Variants in SNED1 observed in about 807,000 individuals in gnomAD.
SNED1 encodes sushi, nidogen and EGF-like domain-containing protein 1.
SNED1 carries 81 observed loss-of-function variants against 166.7 expected under a neutral mutation model. That is an observed-to-expected ratio of 0.49 (90% CI 0.41 to 0.58). The LOEUF (loss-of-function observed/expected upper bound fraction) is 0.58. Ranked by LOEUF, SNED1 falls within the 20% of genes least tolerant of loss-of-function variation. The pLI is 0.00. For synonymous variants in SNED1, 762 were observed against 822.0 expected (o/e 0.93, Z 1.25); for missense variants, 1,604 against 2,000.2 (o/e 0.80, Z 3.78).
At chr2:241,045,696 T>G (rs1053362989) in intron 8 of SNED1, among the ~76,000 whole-genome samples, 2 of 149,214 alleles carry the variant, frequency 1.3e-5, no homozygotes, top group African/African-American at 2.5e-5. Flanking sequence ...TATAAGATTT[T>G]TAGAAGAAAA....
chr2:241,036,009 A>AGTGGGGGGTGGAGGTGCGTCACGGGGTGG (rs1559246672), intron 4 of SNED1, among the ~76,000 whole-genome samples: 1 of 11,010 alleles, frequency 9.1e-5, no homozygotes, highest in Non-Finnish European at 1.4e-4. Flanking sequence ...CGGGGAGGGG[A>AGTGGGGGGTGGAGGTGCGTCACGGGGTGG]GTGGGGGGTG....
chr2:241,028,755 C>G lies in SNED1; in HGVS notation c.214-1529C>G, dbSNP rs539313408. On this transcript the variant is annotated intron_variant, in intron 1 of 31. Coordinates refer to ENST00000310397, the MANE Select transcript of SNED1 (RefSeq NM_001080437.3). ...TACTTCCTTTCCAAGATTGTTTTGACTACTCTGATAAAATTCTAAAGTTTG... is the reference window on the plus strand; with the variant it reads ...TACTTCCTTTCCAAGATTGTTTTGAGTACTCTGATAAAATTCTAAAGTTTG... 1.9e-4 allele frequency among the ~76,000 whole-genome samples: 29 copies of G among 152,276 alleles called. 1 individual carries two copies. In the South Asian group the frequency reaches 4.8e-3, roughly 25 times the overall value.
intron 21 of SNED1, among the ~76,000 whole-genome samples, chr2:241,065,949 G>T (rs1397715391): frequency 3.9e-5 from 6 of 151,924 alleles, no homozygotes; most frequent in Non-Finnish European, 8.8e-5. Flanking sequence ...CCGCGGGGGT[G>T]GGCTTGGGGG....
chr2:241,027,819 C>T (rs985478040), intron 1 of SNED1, among the ~76,000 whole-genome samples: 25 of 151,438 alleles, frequency 1.7e-4, no homozygotes, highest in African/African-American at 5.8e-4. Context: ...CTGCAAGCTC[C>T]GCCTCCCGGG....
chr2:241,034,428 TC>T (rs1413038409), intron 3 of SNED1, 139 bp from the exon 4 acceptor site: 7 of 780,514 alleles, frequency 9.0e-6, no homozygotes, highest in Non-Finnish European at 1.4e-5. Flanking sequence ...TCTCCTTGGC[TC>T]CCAGGAACGG....
chr2:240,999,016 T>C lies in SNED1; in HGVS notation c.179T>C (p.Phe60Ser). The C allele has an allele frequency of 7.5e-7, 1 of 1,324,944 alleles. No individual in the cohort carries two copies. The highest frequency in any genetic ancestry group is 9.7e-7 in the Non-Finnish European group (1 of 1,034,226). The allele number at this position is 1,324,944 out of a possible 1,614,324, so 82.1% of individuals were successfully genotyped here. ...GGGCTGCGGCCGCTCTCGGTGCCCT[T>C]CCCGTTCTTCGGTGCCGAGCACTCC... ...GSGLRPLSVP[F>S]PFFGAEHSGL... Residue 60 changes from phenylalanine (F) to serine (S), a missense_variant, in exon 1 of 32, where the codon TTC (phenylalanine) becomes TCC (serine). Coordinates refer to ENST00000310397, the MANE Select transcript of SNED1 (RefSeq NM_001080437.3). The surrounding 1 kb of genome is among the most constrained non-coding windows in gnomAD (Gnocchi z 5.8).
At chr2:241,031,253 C>T (rs959025264) in intron 2 of SNED1, among the ~76,000 whole-genome samples, 6 of 152,196 alleles carry the variant, frequency 3.9e-5, no homozygotes, top group African/African-American at 1.4e-4. Context: ...CAACCTCCAC[C>T]TCCCAGGTTC....
intron 1 of SNED1, among the ~76,000 whole-genome samples, chr2:241,017,654 T>C (rs545333983): frequency 1.8e-4 from 27 of 152,344 alleles, no homozygotes; most frequent in African/African-American, 6.5e-4. Flanking sequence ...TTCATACCAG[T>C]ATACGCCATG....
chr2:241,071,830 AGCG>A lies in SNED1; in HGVS notation c.3770_3772del (p.Ser1257_Ala1258delinsThr). 6.2e-7 allele frequency: 1 copy of A among 1,604,234 alleles called. No individual in the cohort carries two copies. The highest frequency in any genetic ancestry group is 8.5e-7 in the Non-Finnish European group (1 of 1,175,896). ...GCTTGTGGACGGCAGAGGAAGAGTGAGCGCCAGGTTCGGTGGCTCACCCAGCAA... is the reference window on the plus strand; with the variant it reads ...GCTTGTGGACGGCAGAGGAAGAGTGACCAGGTTCGGTGGCTCACCCAGCAA... On this transcript the variant is annotated inframe_deletion, in exon 26 of 32. Coordinates refer to ENST00000310397, the MANE Select transcript of SNED1 (RefSeq NM_001080437.3).
chr2:241,006,648 T>C (rs1279819644), intron 1 of SNED1, among the ~76,000 whole-genome samples: 1 of 152,264 alleles, frequency 6.6e-6, no homozygotes, highest in Non-Finnish European at 1.5e-5. Flanking sequence ...GTGTGTATTA[T>C]GACAGATGGG....
chr2:241,091,396 A>G lies in SNED1; in HGVS notation c.*2-242A>G, dbSNP rs1379246110. ...CACATGTTCCTAAAGATGGGGATGT[A>G]GTCGGTGGAGGCTGCCCCTCCCCGT... On this transcript the variant is annotated intron_variant, in intron 31 of 31. Transcript: ENST00000310397. The surrounding 1 kb of genome is among the most constrained non-coding windows in gnomAD (Gnocchi z 4.1). Among the ~76,000 whole-genome samples, 2 of 124,130 alleles carry G rather than the reference A, an allele frequency of 1.6e-5. No individual in the cohort carries two copies. Among genetic ancestry groups the G allele is most frequent in the Non-Finnish European group, 3.1e-5 (2 of 64,108 alleles). 81.4% of individuals were successfully genotyped at this position (124,130 alleles called of 152,430 possible).
rs2064227088 is a variant in SNED1, at chr2:241,094,082, A to G, written c.*2446A>G. The G allele has an allele frequency of 3.0e-6, 1 of 334,106 alleles. No homozygotes were observed. Among genetic ancestry groups the G allele is most frequent in the African/African-American group, 2.2e-5 (1 of 45,984 alleles). The allele number at this position is 334,106 out of a possible 1,614,324, so 20.7% of individuals were successfully genotyped here. A position where few individuals can be genotyped will look rare whatever the true frequency, so the allele number is the denominator to read the frequency against. On this transcript the variant is annotated 3_prime_UTR_variant, in exon 32 of 32. Transcript: ENST00000310397. The surrounding 1 kb of genome is among the most constrained non-coding windows in gnomAD (Gnocchi z 4.3). ...CCGGGATGCCACAATGGAAGAGAAA[A>G]TGAAAACACTGGCACAGTGAAATGT...
chr2:241,090,015 G>A, intron 31 of SNED1: 1 of 1,548,588 alleles, frequency 6.5e-7, no homozygotes, highest in Non-Finnish European at 8.7e-7. Flanking sequence ...GAATGCGCAG[G>A]ACTGGCAGTT....
intron 27 of SNED1, chr2:241,074,967 T>C (rs1322616260): frequency 6.6e-6 from 1 of 152,196 alleles, no homozygotes; most frequent in Non-Finnish European, 1.5e-5. Context: ...CATATATGTA[T>C]GGCAGAACAA....
chr2:241,004,531 AT>A (rs60747219), intron 1 of SNED1, among the ~76,000 whole-genome samples: 37,837 of 151,886 alleles, frequency 0.25, 4,843 homozygotes, highest in African/African-American at 0.27. Context: ...CTCTGATTTT[AT>A]TTTTTTGTGA....
chr2:241,017,128 G>A (rs2060622598), intron 1 of SNED1, among the ~76,000 whole-genome samples: 1 of 152,166 alleles, frequency 6.6e-6, no homozygotes, highest in South Asian at 2.1e-4. Flanking sequence ...TGGGATTCCA[G>A]GCGTGAGCCA....
Position 240,998,749 on chromosome 2 carries a change from C to G in SNED1, c.-89C>G. ...GGGCGCGCCCGCGCTCCCCGCACCC[C>G]GCCTGGCCCTGCCGGCCACCCCCGC... On this transcript the variant is annotated 5_prime_UTR_variant, in exon 1 of 32. Transcript: ENST00000310397. 4 of 532,722 alleles carry G rather than the reference C, an allele frequency of 7.5e-6. No individual in the cohort carries two copies. The highest frequency in any genetic ancestry group is 9.6e-6 in the Non-Finnish European group (4 of 415,506). 33.0% of individuals were successfully genotyped at this position (532,722 alleles called of 1,614,324 possible).
chr2:241,067,998 GC>G (rs2062534269), intron 22 of SNED1, 51 bp downstream of exon 22: 1 of 1,523,588 alleles, frequency 6.6e-7, no homozygotes, highest in Non-Finnish European at 9.0e-7. Flanking sequence ...AGGGGTGGGG[GC>G]TCGGGGACAC....
rs1250649303 is a variant in SNED1, at chr2:241,092,183, T to C, written c.*547T>C. ...GCAGACACAGCCGCCCCTGCTCTGGTCCTCCAGCGTGTTTATGACGCTCGT... is the reference window on the plus strand; with the variant it reads ...GCAGACACAGCCGCCCCTGCTCTGGCCCTCCAGCGTGTTTATGACGCTCGT... On this transcript the variant is annotated 3_prime_UTR_variant, in exon 32 of 32. Coordinates refer to ENST00000310397, the MANE Select transcript of SNED1 (RefSeq NM_001080437.3). This position sits in a 1 kb window ranked among gnomAD's most constrained non-coding sequence, Gnocchi z 4.6. The C allele has an allele frequency of 6.6e-6, 1 of 152,224 alleles. No homozygotes were observed. The highest frequency in any genetic ancestry group is 1.5e-5 in the Non-Finnish European group (1 of 68,062). The allele number at this position is 152,224 out of a possible 1,614,324, so 9.4% of individuals were successfully genotyped here.
Sources: allele counts gnomAD v4.1 joint callset (sites outside exome capture counted in the v4.1 genomes callset), GRCh38; gene constraint gnomAD v4.1.1; non-coding constraint Gnocchi (gnomAD v3.1); transcripts MANE v1.5; gene names NCBI Gene and HGNC (gene_info 2026-07-23, HGNC 2026-07-21).